Variants in OLFML2A observed in about 807,000 individuals in gnomAD.
The protein encoded by OLFML2A is olfactomedin like 2A, also known as olfactomedin-like protein 2A.
OLFML2A carries 47 observed loss-of-function variants against 60.9 expected under a neutral mutation model. The ratio of observed to expected loss-of-function variants is 0.77; its 90% CI spans 0.61 to 0.98. The LOEUF is 0.98. Among genes scored for constraint, OLFML2A ranks in the 50% least tolerant of loss-of-function variants. The pLI is 0.00. For synonymous variants in OLFML2A, 372 were observed against 375.0 expected, an observed-to-expected ratio of 0.99 and a Z score of 0.09; for missense variants, 922 against 879.8, an observed-to-expected ratio of 1.05 and a Z score of -0.61.
intron 2 of OLFML2A, among the ~76,000 whole-genome samples, chr9:124,788,085 G>A (rs1841510057): frequency 6.6e-6 from 1 of 151,778 alleles, no homozygotes; most frequent in Non-Finnish European, 1.5e-5. Context: ...AGGATCACCT[G>A]AGGTGAGGAG....
In OLFML2A at chr9:124,810,738, T is replaced by A. The variant is rs532130550; in HGVS notation, c.*326T>A. The A allele has an allele frequency of 2.3e-4, 77 of 340,182 alleles. No homozygotes were observed. The highest frequency in any genetic ancestry group is 1.6e-3 in the African/African-American group (75 of 48,096). The allele number at this position is 340,182 out of a possible 1,614,324, so 21.1% of individuals were successfully genotyped here. A position where few individuals can be genotyped will look rare whatever the true frequency, so the allele number is the denominator to read the frequency against. On this transcript the variant is annotated 3_prime_UTR_variant, in exon 8 of 8. Transcript: ENST00000373580. ...CGTCCCTTGCCTAACACCTCAGTTG[T>A]GATCAGGCAGGCTGTGCTCTCAGGA...
chr9:124,810,726 A>C lies in OLFML2A; in HGVS notation c.*314A>C, dbSNP rs1841997179. The C allele has an allele frequency of 5.2e-6, 2 of 385,406 alleles. No individual in the cohort carries two copies. The highest frequency in any genetic ancestry group is 4.1e-5 in the African/African-American group (2 of 49,236). 23.9% of individuals were successfully genotyped at this position (385,406 alleles called of 1,614,324 possible). A position where few individuals can be genotyped will look rare whatever the true frequency, so the allele number is the denominator to read the frequency against. On this transcript the variant is annotated 3_prime_UTR_variant, in exon 8 of 8. Coordinates refer to ENST00000373580, the MANE Select transcript of OLFML2A (RefSeq NM_182487.4). ...TCAGAGAGGCACCGTCCCTTGCCTA[A>C]CACCTCAGTTGTGATCAGGCAGGCT...
intron 1 of OLFML2A, among the ~76,000 whole-genome samples, chr9:124,784,926 C>T (rs1249812594): frequency 1.5e-5 from 2 of 131,836 alleles, no homozygotes; most frequent in South Asian, 4.7e-4. Context: ...TGAATCAGTA[C>T]TGCATTCCTT....
intron 5 of OLFML2A, 104 bp downstream of exon 5, chr9:124,801,767 C>A: frequency 8.1e-7 from 1 of 1,242,010 alleles, no homozygotes; most frequent in Non-Finnish European, 1.1e-6. Context: ...CAGTTCCACC[C>A]ATTGATTACC....
intron 4 of OLFML2A, among the ~76,000 whole-genome samples, chr9:124,800,696 G>C (rs574163696): frequency 5.3e-5 from 8 of 152,376 alleles, no homozygotes; most frequent in African/African-American, 1.7e-4. Flanking sequence ...CCGCAGGCGA[G>C]AATGAAGCGT....
chr9:124,783,796 T>C (rs151091840), intron 1 of OLFML2A, among the ~76,000 whole-genome samples: 1 of 152,318 alleles, frequency 6.6e-6, no homozygotes, highest in Non-Finnish European at 1.5e-5. Flanking sequence ...GCCCTGCCTC[T>C]AATGGTACCT....
chr9:124,787,301 C>T, intron 2 of OLFML2A, 63 bp downstream of exon 2: 1 of 1,512,840 alleles, frequency 6.6e-7, no homozygotes, highest in South Asian at 1.2e-5. Flanking sequence ...TGCTGTCCTG[C>T]CAGTGAAAAT....
At chr9:124,789,912 A>G (rs970515923) in intron 2 of OLFML2A, among the ~76,000 whole-genome samples, 4 of 152,252 alleles carry the variant, frequency 2.6e-5, no homozygotes, top group Non-Finnish European at 5.9e-5. Flanking sequence ...CACCCAGGCC[A>G]TAGGCCAGTC....
Position 124,807,859 on chromosome 9 carries a change from G to A in OLFML2A, c.1247G>A (p.Gly416Glu). The A allele has an allele frequency of 6.2e-7, 1 of 1,614,128 alleles. No individual in the cohort carries two copies. Among genetic ancestry groups the A allele is most frequent in the Non-Finnish European group, 8.5e-7 (1 of 1,180,008 alleles). The change falls in exon 7 of 8, where the codon GGA (glycine) becomes GAA (glutamate). Residue 416 changes from glycine to glutamate, a missense_variant. Physicochemically the swap from Gly to Glu is moderately conservative, Grantham distance 98. Coordinates refer to ENST00000373580, the MANE Select transcript of OLFML2A (RefSeq NM_182487.4). The stretch of plus-strand genomic sequence containing the variant: ...CACCACAGCTATGGGCGCCACGAGG[G>A]AGCCTGGATGAAGGACCCTGCAGCT... ...VRHHSYGRHE[G>E]AWMKDPAARD...
chr9:124,809,710 C>A, intron 7 of OLFML2A, 98 bp from the exon 8 acceptor site: 1 of 1,397,204 alleles, frequency 7.2e-7, no homozygotes, highest in Non-Finnish European at 9.7e-7. Context: ...TGGTATCAGT[C>A]ACTTACTGGG....
intron 4 of OLFML2A, 117 bp from the exon 5 acceptor site, chr9:124,801,297 G>T: frequency 1.8e-6 from 2 of 1,111,724 alleles, no homozygotes; most frequent in East Asian, 2.4e-5. Flanking sequence ...GTGAGTGCTT[G>T]GGACATAGGG....
At chr9:124,784,526 G>A (rs1482507513) in intron 1 of OLFML2A, among the ~76,000 whole-genome samples, 2 of 152,146 alleles carry the variant, frequency 1.3e-5, no homozygotes, top group African/African-American at 4.8e-5. Flanking sequence ...AAAGTGTAAT[G>A]CATGTGAAAC....
At chr9:124,787,278 A>C (rs753396393) in intron 2 of OLFML2A, 40 bp downstream of exon 2, 6 of 1,586,878 alleles carry the variant, frequency 3.8e-6, no homozygotes, top group African/African-American at 1.3e-5. Context: ...AGGGCCTATC[A>C]TGAGCTGGAG....
chr9:124,780,653 G>A lies in OLFML2A; in HGVS notation c.90+3293G>A, dbSNP rs1013922934. The stretch of plus-strand genomic sequence containing the variant: ...CATCAAGACTGTGAGGCCAGGCCAA[G>A]CCCTACTGGGTGTCTCTGCAAGGAG... On this transcript the variant is annotated intron_variant, in intron 1 of 7. Coordinates refer to ENST00000373580, the MANE Select transcript of OLFML2A (RefSeq NM_182487.4). Among the ~76,000 whole-genome samples, 8 of 152,356 alleles carry A rather than the reference G, an allele frequency of 5.3e-5. No homozygotes were observed. The South Asian group carries it at 6.2e-4, about 12-fold the overall frequency.
intron 1 of OLFML2A, among the ~76,000 whole-genome samples, chr9:124,783,224 C>T (rs774264094): frequency 3.3e-5 from 5 of 152,178 alleles, no homozygotes; most frequent in Non-Finnish European, 4.4e-5. Context: ...GTAATCCCAG[C>T]TTTTTGGGCG....
Position 124,809,861 on chromosome 9 carries a change from G to C in OLFML2A, c.1408G>C (p.Val470Leu). ...CTACAACTGGATCGGCACAGGCCAC[G>C]TGGTGTACCAGGGCGCCTTCTACTA... is the stretch of plus-strand genomic sequence containing the variant. ...LPYNWIGTGH[V>L]VYQGAFYYNR... Residue 470 changes from valine (V) to leucine (L), a missense_variant, in exon 8 of 8, where the codon GTG becomes CTG. By Grantham distance (32) the Val-to-Leu change is conservative (BLOSUM62 1). Coordinates refer to ENST00000373580, the MANE Select transcript of OLFML2A (RefSeq NM_182487.4). 7 of 1,614,134 alleles carry C rather than the reference G, an allele frequency of 4.3e-6. No individual in the cohort carries two copies. The highest frequency in any genetic ancestry group is 5.9e-6 in the Non-Finnish European group (7 of 1,179,996).
rs769246751 is a variant in OLFML2A at position 124,807,794 on chromosome 9, C to T, written c.1182C>T (p.Ser394=). The T allele has an allele frequency of 2.5e-6, 4 of 1,611,912 alleles. No homozygotes were observed. The highest frequency in any genetic ancestry group is 1.7e-5 in the Admixed American group (1 of 59,890). The change falls in exon 7 of 8, where the codon AGC becomes AGT. Residue 394 remains serine, a synonymous_variant. Transcript: ENST00000373580. ...TCCTCCCCACAGGCAGAGAGGCGAG[C>T]TGTGAGGGCACCCTCCGGGCTGTGG... The part of the protein sequence containing the change: ...PEVSSQGREA[S]CEGTLRAVDP...
chr9:124,799,132 C>G (rs1841721260), intron 3 of OLFML2A, among the ~76,000 whole-genome samples, 153 bp from the exon 4 acceptor site: 1 of 152,126 alleles, frequency 6.6e-6, no homozygotes. Flanking sequence ...CTCTTGGAGC[C>G]TATTTTTCCT....
chr9:124,797,021 T>C (rs1798879927), intron 3 of OLFML2A, among the ~76,000 whole-genome samples: 1 of 152,218 alleles, frequency 6.6e-6, no homozygotes, highest in African/African-American at 2.4e-5. Context: ...TTTGTTTTTT[T>C]GAGACAGGGT....
Sources: gnomAD v4.1 joint callset for allele counts (sites outside exome capture counted in the v4.1 genomes callset) on GRCh38, gnomAD v4.1.1 for gene constraint, MANE v1.5 for transcripts, NCBI Gene and HGNC (gene_info 2026-07-23, HGNC 2026-07-21) for gene names.